The following STAU2 variants were observed in gnomAD, a reference collection of about 807,000 sequenced individuals.
The protein encoded by STAU2 is staufen double-stranded RNA binding protein 2, also known as double-stranded RNA-binding protein Staufen homolog 2.
In STAU2, 20 loss-of-function variants were observed where a neutral mutation model predicts 65.9. That is an observed-to-expected ratio of 0.30 (90% CI 0.21 to 0.44). The LOEUF (loss-of-function observed/expected upper bound fraction) is 0.44. Ranked by LOEUF, STAU2 falls within the 20% of genes least tolerant of loss-of-function variation. The pLI is 1.00. For synonymous variants in STAU2, 232 were observed against 233.9 expected, an observed-to-expected ratio of 0.99 and a Z score of 0.07; for missense variants, 558 against 683.9, an observed-to-expected ratio of 0.82 and a Z score of 2.05.
At chr8:73,743,257 C>G (rs1400085438) in intron 1 of STAU2, among the ~76,000 whole-genome samples, 2 of 151,652 alleles carry the variant, frequency 1.3e-5, no homozygotes, top group Non-Finnish European at 2.9e-5. Context: ...TTTCAGACAC[C>G]AATTGTATAC....
intron 13 of STAU2, among the ~76,000 whole-genome samples, chr8:73,528,092 T>G (rs963579522): frequency 6.6e-6 from 1 of 152,184 alleles, no homozygotes; most frequent in African/African-American, 2.4e-5. Context: ...CAGCTTTTTA[T>G]AATACATGAT....
At chr8:73,620,675 G>C (rs1813161631) in intron 6 of STAU2, among the ~76,000 whole-genome samples, 1 of 152,094 alleles carries the variant, frequency 6.6e-6, no homozygotes, top group Admixed American at 6.5e-5. Flanking sequence ...TATTGTGTAA[G>C]TATCAGAGGA....
intron 13 of STAU2, among the ~76,000 whole-genome samples, chr8:73,510,153 C>A (rs1009034469): frequency 6.6e-6 from 1 of 152,068 alleles, no homozygotes; most frequent in African/African-American, 2.4e-5. Context: ...TGGCAACCTC[C>A]ACCTCCTGGG....
chr8:73,743,634 C>T (rs1223320959), intron 1 of STAU2, among the ~76,000 whole-genome samples: 1 of 151,492 alleles, frequency 6.6e-6, no homozygotes, highest in Admixed American at 6.6e-5. Context: ...CCACCACGGC[C>T]GGCTAATTTT....
At chr8:73,649,888 T>TATATAC (rs1474745819) in intron 6 of STAU2, among the ~76,000 whole-genome samples, 3 of 137,204 alleles carry the variant, frequency 2.2e-5, no homozygotes, top group Non-Finnish European at 4.7e-5. Flanking sequence ...TATATATATA[T>TATATAC]ATATATATAT....
intron 13 of STAU2, among the ~76,000 whole-genome samples, chr8:73,499,904 C>G (rs1821640654): frequency 6.6e-6 from 1 of 151,768 alleles, no homozygotes; most frequent in African/African-American, 2.4e-5. Context: ...AGTGAAATAC[C>G]TCTGTCAAAG....
At chr8:73,580,198 A>C (rs1809881397) in intron 12 of STAU2, among the ~76,000 whole-genome samples, 2 of 152,224 alleles carry the variant, frequency 1.3e-5, no homozygotes, top group African/African-American at 2.4e-5. Context: ...CATAACAAAC[A>C]AAAAACCATA....
chr8:73,434,795 T>C (rs1046120847), intron 13 of STAU2, among the ~76,000 whole-genome samples: 1 of 151,932 alleles, frequency 6.6e-6, no homozygotes, highest in African/African-American at 2.4e-5. Flanking sequence ...TTCCTTTGTA[T>C]TTTTGTTCAT....
chr8:73,536,175 A>C (rs1389175374), intron 13 of STAU2, among the ~76,000 whole-genome samples: 1 of 152,194 alleles, frequency 6.6e-6, no homozygotes, highest in African/African-American at 2.4e-5. Flanking sequence ...CTATATATAA[A>C]ATAAGCATAA....
At chr8:73,565,389 G>A (rs1421204255) in intron 12 of STAU2, among the ~76,000 whole-genome samples, 1 of 152,102 alleles carries the variant, frequency 6.6e-6, no homozygotes, top group Non-Finnish European at 1.5e-5. Context: ...GGCCTTCCCA[G>A]AAGCAAAATC....
Position 73,746,839 on chromosome 8 carries a change from C to T in STAU2, c.-253G>A. On this transcript the variant is annotated 5_prime_UTR_variant, in exon 1 of 15. Coordinates refer to ENST00000524300, the MANE Select transcript of STAU2 (RefSeq NM_001164380.2). ...CAACATTGGCAAACACTACAGAGAACTGACCCCGCTCGGCCGCCGCCGGCT... is the reference window on the plus strand; with the variant it reads ...CAACATTGGCAAACACTACAGAGAATTGACCCCGCTCGGCCGCCGCCGGCT... The T allele has an allele frequency of 2.4e-6, 3 of 1,227,496 alleles. No homozygotes were observed. The highest frequency in any genetic ancestry group is 3.0e-6 in the Non-Finnish European group (3 of 984,136). 76.0% of individuals were successfully genotyped at this position (1,227,496 alleles called of 1,614,324 possible).
At chr8:73,716,431 T>A (rs1821258548) in intron 3 of STAU2, among the ~76,000 whole-genome samples, 1 of 152,182 alleles carries the variant, frequency 6.6e-6, no homozygotes, top group Non-Finnish European at 1.5e-5. Context: ...ACCATGGTCC[T>A]GAAAAACAGA....
chr8:73,558,095 C>G (rs533886140), intron 12 of STAU2, among the ~76,000 whole-genome samples: 1 of 152,334 alleles, frequency 6.6e-6, no homozygotes, highest in South Asian at 2.1e-4. Flanking sequence ...TCCAGGCAGT[C>G]TGCCTCTAGA....
chr8:73,645,285 A>C (rs1815285113), intron 6 of STAU2, among the ~76,000 whole-genome samples: 1 of 152,232 alleles, frequency 6.6e-6, no homozygotes, highest in Non-Finnish European at 1.5e-5. Flanking sequence ...AGGCTGGTTC[A>C]ATGTTTAAAA....
intron 1 of STAU2, among the ~76,000 whole-genome samples, chr8:73,744,847 G>T (rs576107131): frequency 1.6e-4 from 24 of 152,146 alleles, no homozygotes; most frequent in Non-Finnish European, 2.8e-4. Flanking sequence ...AGGTTACAAA[G>T]ATTTTCTTTG....
intron 4 of STAU2, among the ~76,000 whole-genome samples, chr8:73,692,594 G>A (rs1819407150): frequency 6.6e-6 from 1 of 152,188 alleles, no homozygotes; most frequent in South Asian, 2.1e-4. Context: ...AGTCTTGTGA[G>A]CTGTTTTAAC....
intron 13 of STAU2, among the ~76,000 whole-genome samples, chr8:73,468,182 C>A (rs1819767779): frequency 6.6e-6 from 1 of 152,150 alleles, no homozygotes; most frequent in South Asian, 2.1e-4. Flanking sequence ...CTTTGACAAA[C>A]CTGACAAAAA....
At chr8:73,727,972 T>A (rs143610138) in intron 3 of STAU2, 2 of 152,240 alleles carry the variant, frequency 1.3e-5, no homozygotes, top group African/African-American at 4.8e-5. Flanking sequence ...ACTAATGATG[T>A]TGAGTATTAA....
At chr8:73,635,773 C>T (rs1183670069) in intron 6 of STAU2, among the ~76,000 whole-genome samples, 1 of 151,346 alleles carries the variant, frequency 6.6e-6, no homozygotes, top group African/African-American at 2.4e-5. Flanking sequence ...TGCAGTGAGC[C>T]GAGACCGCGC....
Sources: gnomAD v4.1 joint callset for allele counts (sites outside exome capture counted in the v4.1 genomes callset) on GRCh38, gnomAD v4.1.1 for gene constraint, MANE v1.5 for transcripts, NCBI Gene and HGNC (gene_info 2026-07-23, HGNC 2026-07-21) for gene names.